DHRS7C: variants seen among roughly 807,000 people sequenced by gnomAD.
DHRS7C encodes dehydrogenase/reductase 7C, also known as dehydrogenase/reductase SDR family member 7C.
DHRS7C carries 28 observed loss-of-function variants against 29.6 expected under a neutral mutation model. The observed-to-expected ratio is 0.95, with a 90% CI of 0.70 to 1.30. The LOEUF (loss-of-function observed/expected upper bound fraction) is 1.30. DHRS7C is among the 50% of genes most tolerant of loss of function. DHRS7C has a pLI of 0.00. For synonymous variants in DHRS7C, 158 were observed against 160.2 expected (o/e 0.99, Z 0.10); for missense variants, 403 against 393.3 (o/e 1.02, Z -0.21).
At chr17:9,788,275 C>T (rs916180678) in intron 1 of DHRS7C, among the ~76,000 whole-genome samples, 11 of 152,242 alleles carry the variant, frequency 7.2e-5, no homozygotes, top group Non-Finnish European at 1.3e-4. Flanking sequence ...GGCATGATCT[C>T]GGCTCACTGC....
In DHRS7C at chr17:9,791,418, T is replaced by C. The variant is rs1002351791; in HGVS notation, c.-134A>G. 3.2e-6 allele frequency: 3 copies of C among 942,960 alleles called. No homozygotes were observed. The highest frequency in any genetic ancestry group is 6.1e-5 in the Admixed American group (2 of 32,944). 58.4% of individuals were successfully genotyped at this position (942,960 alleles called of 1,614,324 possible). On this transcript the variant is annotated 5_prime_UTR_variant, in exon 1 of 6. Transcript: ENST00000571134. ...GCAAGCCTCCAAGCTGAACACCCAG[T>C]GGGCGTGCTAATCCCCAAATGTTCA...
intron 2 of DHRS7C, 131 bp downstream of exon 2, chr17:9,781,351 G>T: frequency 1.3e-6 from 1 of 775,822 alleles, no homozygotes; most frequent in Non-Finnish European, 2.1e-6. Context: ...CAAGGTCATT[G>T]GGTTCATTGC....
At chr17:9,773,675 CCT>C (rs1294018583) in intron 4 of DHRS7C, among the ~76,000 whole-genome samples, 2 of 151,196 alleles carry the variant, frequency 1.3e-5, no homozygotes, top group African/African-American at 4.9e-5. Flanking sequence ...TCCTGGTTCC[CCT>C]GACATCATGA....
intron 1 of DHRS7C, among the ~76,000 whole-genome samples, chr17:9,785,590 C>T (rs993475253): frequency 6.6e-6 from 1 of 152,194 alleles, no homozygotes; most frequent in Non-Finnish European, 1.5e-5. Flanking sequence ...GGGGAGTAGA[C>T]TGCCCGGGAA....
At chr17:9,778,636 C>G (rs551202657) in intron 3 of DHRS7C, among the ~76,000 whole-genome samples, 113 of 152,152 alleles carry the variant, frequency 7.4e-4, no homozygotes, top group Non-Finnish European at 1.4e-3. Flanking sequence ...AGGGACTGGA[C>G]TGGAGGAAGC....
intron 1 of DHRS7C, 55 bp downstream of exon 1, chr17:9,791,068 CCCTGCCAT>C: frequency 1.3e-6 from 2 of 1,542,024 alleles, no homozygotes; most frequent in South Asian, 1.2e-5. Flanking sequence ...CGCCCTGCCA[CCCTGCCAT>C]CCTGCCAGTC....
rs375604156 is a variant in DHRS7C at position 9,772,774 on chromosome 17, A to G, written c.720T>C (p.Ile240=). 1.2e-6 allele frequency: 2 copies of G among 1,613,750 alleles called. No homozygotes were observed. Among genetic ancestry groups the G allele is most frequent in the East Asian group, 2.2e-5 (1 of 44,868 alleles). The change falls in exon 5 of 6, where the codon ATT becomes ATC. Residue 240 remains isoleucine, a synonymous_variant. Transcript: ENST00000571134. Reference sequence around the variant, plus strand: ...TTCCCTCTGAAGTCTCACATTTCCAAATGGAAGCTTCCCAGTTTCCTTGCT... The same window carrying G: ...TTCCCTCTGAAGTCTCACATTTCCAGATGGAAGCTTCCCAGTTTCCTTGCT... ...YPEQGNWEAS[I]WKFFFRKLTY...
intron 1 of DHRS7C, among the ~76,000 whole-genome samples, chr17:9,784,079 A>G (rs1037332990): frequency 7.2e-5 from 11 of 152,152 alleles, no homozygotes; most frequent in African/African-American, 1.9e-4. Flanking sequence ...AGACGAAGAT[A>G]GAGATGAATA....
rs776786227 is a variant in DHRS7C at position 9,779,835 on chromosome 17, T to C, written c.468A>G (p.Thr156=). ...IMDANYFGPI[T]LTKALLPNMI... ...TCAAACTCACGAGACCTTTCGTCAA[T>C]GTGATGGGGCCAAAGTAATTGGCAT... The change falls in exon 3 of 6, where the codon ACA becomes ACG. Residue 156 remains threonine (T), a synonymous_variant. Transcript: ENST00000571134. The C allele has an allele frequency of 2.5e-6, 4 of 1,612,558 alleles. No individual in the cohort carries two copies. Among genetic ancestry groups the C allele is most frequent in the South Asian group, 1.1e-5 (1 of 90,618 alleles).
At chr17:9,778,188 G>A (rs931221915) in intron 3 of DHRS7C, among the ~76,000 whole-genome samples, 4 of 151,930 alleles carry the variant, frequency 2.6e-5, no homozygotes, top group Admixed American at 2.0e-4. Context: ...TCAGGAGATC[G>A]AGACCATCCT....
intron 1 of DHRS7C, among the ~76,000 whole-genome samples, chr17:9,783,811 C>A (rs1432308011): frequency 6.6e-6 from 1 of 151,956 alleles, no homozygotes; most frequent in Non-Finnish European, 1.5e-5. Context: ...ACTAAAAATT[C>A]AAAAATTTAA....
intron 1 of DHRS7C, among the ~76,000 whole-genome samples, chr17:9,781,978 C>T (rs558121454): frequency 6.6e-6 from 1 of 152,322 alleles, no homozygotes; most frequent in East Asian, 1.9e-4. Flanking sequence ...AATCAAATGT[C>T]ACCAGTTTCC....
chr17:9,777,250 G>A lies in DHRS7C; in HGVS notation c.514C>T (p.Gln172Ter). ...TGGATATTATTCACTAACACGATTT[G>A]GCCTGTTCTCCGGGAGATCATGTTG... ...LPNMISRRTG[Q>*]IVLVNNIQGK... Residue 172 changes from glutamine to a stop codon, truncating the protein, a stop_gained, in exon 4 of 6, where the codon CAA becomes TAA. Coordinates refer to ENST00000571134, the MANE Select transcript of DHRS7C (RefSeq NM_001105571.3). LOFTEE classifies it high-confidence loss of function. The A allele has an allele frequency of 6.2e-7, 1 of 1,613,796 alleles. No homozygotes were observed. Among genetic ancestry groups the A allele is most frequent in the East Asian group, 2.2e-5 (1 of 44,860 alleles).
Position 9,788,618 on chromosome 17 carries a change from T to A in DHRS7C, c.154+2513A>T, listed in dbSNP as rs560764682. Among the ~76,000 whole-genome samples the A allele has an allele frequency of 2.6e-5, 4 of 152,336 alleles. No homozygotes were observed. In the South Asian group the frequency reaches 8.3e-4, roughly 32 times the overall value. ...CTAGATGCCCCAGTCTTTGTCTGTC[T>A]GTTTGATTTCCCTAGTAAACAACTT... On this transcript the variant is annotated intron_variant, in intron 1 of 5. Coordinates refer to ENST00000571134, the MANE Select transcript of DHRS7C (RefSeq NM_001105571.3).
At position 9,791,343 on chromosome 17, in the gene DHRS7C, G is replaced by A; in HGVS notation, c.-59C>T. On this transcript the variant is annotated 5_prime_UTR_variant, in exon 1 of 6. Transcript: ENST00000571134. ...TGGCTTTGCAAAGAGACGCTGATCA[G>A]GACTCCCAGGGCAGGGGGAGGCCCA... is the stretch of plus-strand genomic sequence containing the variant. 1.3e-6 allele frequency: 2 copies of A among 1,577,568 alleles called. No individual in the cohort carries two copies. Among genetic ancestry groups the A allele is most frequent in the Non-Finnish European group, 1.7e-6 (2 of 1,160,796 alleles).
chr17:9,777,384 C>T (rs77251828), intron 3 of DHRS7C, 99 bp from the exon 4 acceptor site: 80 of 837,566 alleles, frequency 9.6e-5, no homozygotes, highest in Middle Eastern at 2.3e-4. Context: ...CACAGGGCTC[C>T]GCTACCTCCG....
intron 3 of DHRS7C, among the ~76,000 whole-genome samples, chr17:9,778,662 A>C (rs1456125149): frequency 6.6e-6 from 1 of 152,138 alleles, no homozygotes; most frequent in East Asian, 1.9e-4. Context: ...TCTCTGGGAC[A>C]CCATTCTAGA....
intron 3 of DHRS7C, 111 bp from the exon 4 acceptor site, chr17:9,777,396 G>A (rs1375585857): frequency 6.9e-6 from 5 of 724,572 alleles, no homozygotes; most frequent in East Asian, 2.8e-5. Context: ...CTACCTCCGC[G>A]GTAACTAGAT....
At position 9,771,493 on chromosome 17, in the gene DHRS7C, C is replaced by G; in HGVS notation, c.931G>C (p.Gly311Arg). The G allele has an allele frequency of 6.6e-7, 1 of 1,522,208 alleles. No homozygotes were observed. The highest frequency in any genetic ancestry group is 2.1e-5 in the Admixed American group (1 of 48,354). 94.3% of individuals were successfully genotyped at this position (1,522,208 alleles called of 1,614,324 possible). Residue 311 changes from glycine (G) to arginine (R), a missense_variant, in exon 6 of 6, where the codon GGG becomes CGG. By Grantham distance (125) the Gly-to-Arg change is moderately radical. Coordinates refer to ENST00000571134, the MANE Select transcript of DHRS7C (RefSeq NM_001105571.3). ...GCCCATTTGGCCTCCTGCAGTTACC[C>G]CTCCTCCGGGACATTGAGCTTCTCC... ...VKEKLNVPEE[G>R]
Sources: allele counts gnomAD v4.1 joint callset (sites outside exome capture counted in the v4.1 genomes callset), GRCh38; gene constraint gnomAD v4.1.1; transcripts MANE v1.5; gene names NCBI Gene and HGNC (gene_info 2026-07-23, HGNC 2026-07-21).